Variants in RBM6 observed in about 807,000 individuals in gnomAD.
The protein encoded by RBM6 is RNA-binding protein 6.
RBM6 carries 23 observed loss-of-function variants against 140.4 expected under a neutral mutation model. The ratio of observed to expected loss-of-function variants is 0.16; its 90% CI spans 0.12 to 0.23. The LOEUF is 0.23. RBM6 is among the 10% of genes least tolerant of loss of function. The pLI is 1.00. For synonymous variants in RBM6, 439 were observed against 475.6 expected, an observed-to-expected ratio of 0.92 and a Z score of 1.00; for missense variants, 1,139 against 1,386.7, an observed-to-expected ratio of 0.82 and a Z score of 2.84.
intron 3 of RBM6, among the ~76,000 whole-genome samples, 177 bp from the exon 4 acceptor site, chr3:49,971,881 AT>A (rs2084809709): frequency 6.6e-6 from 1 of 152,160 alleles, no homozygotes; most frequent in South Asian, 2.1e-4. Flanking sequence ...GCACATTTAC[AT>A]TCTTATGATT....
rs966121078 is a variant in RBM6, at chr3:49,957,346, A to G, written c.-66-5230A>G. On this transcript the variant is annotated intron_variant, in intron 1 of 20. Transcript: ENST00000266022. Reference sequence around the variant, plus strand: ...TTTTTGAAGTAGAGAGAGTCTCACTATATGGCCAATGGTGGTTTCAAACCC... The same window carrying G: ...TTTTTGAAGTAGAGAGAGTCTCACTGTATGGCCAATGGTGGTTTCAAACCC... Among the ~76,000 whole-genome samples the G allele has an allele frequency of 3.4e-5, 5 of 148,592 alleles. No individual in the cohort carries two copies. The Admixed American group carries it at 3.4e-4, about 10-fold the overall frequency.
chr3:50,067,183 T>C (rs1284831690), intron 17 of RBM6, among the ~76,000 whole-genome samples: 1 of 94,528 alleles, frequency 1.1e-5, no homozygotes, highest in East Asian at 3.7e-4. Flanking sequence ...CAAGACTCTA[T>C]CTCAAAAAAA....
intron 5 of RBM6, among the ~76,000 whole-genome samples, chr3:49,989,448 G>A (rs536710689): frequency 2.0e-5 from 3 of 152,186 alleles, no homozygotes; most frequent in African/African-American, 7.2e-5. Context: ...GGTGGCACAC[G>A]CCTGTAATCC....
intron 6 of RBM6, among the ~76,000 whole-genome samples, chr3:50,030,424 CACAA>C (rs2088087233): frequency 2.6e-5 from 4 of 151,660 alleles, no homozygotes; most frequent in Admixed American, 2.6e-4. Flanking sequence ...TCTAGAAATA[CACAA>C]ACAGAGCTCC....
intron 6 of RBM6, among the ~76,000 whole-genome samples, chr3:50,011,555 G>A (rs1455715601): frequency 1.3e-5 from 2 of 152,110 alleles, no homozygotes; most frequent in Non-Finnish European, 2.9e-5. Flanking sequence ...AAAGCTCAAA[G>A]CCATGGGAAA....
Position 50,058,556 on chromosome 3 carries a change from C to G in RBM6, c.2124C>G (p.Ser708=). The G allele has an allele frequency of 6.2e-7, 1 of 1,605,970 alleles. No individual in the cohort carries two copies. Among genetic ancestry groups the G allele is most frequent in the Non-Finnish European group, 8.5e-7 (1 of 1,172,866 alleles). Residue 708 remains serine, a synonymous_variant, in exon 10 of 21, where the codon TCC becomes TCG. Transcript: ENST00000266022. ...CCTATGGCTTTATTGACCTCGACTC[C>G]CATGCGGTGAGTTTCCTCCACCTTG... ...GHTYGFIDLD[S]HAEALRVVKI...
intron 6 of RBM6, among the ~76,000 whole-genome samples, chr3:50,044,121 A>G (rs939802311): frequency 7.7e-6 from 1 of 130,298 alleles, no homozygotes. Flanking sequence ...CAGGCAGTCC[A>G]CCCGCCTCGG....
chr3:49,941,022 T>A (rs1342128259), intron 1 of RBM6: 1 of 151,746 alleles, frequency 6.6e-6, no homozygotes, highest in East Asian at 1.9e-4. Flanking sequence ...GTGAAGGAGT[T>A]CAGTAGACAT....
chr3:49,997,453 T>C (rs2086138485), intron 5 of RBM6, among the ~76,000 whole-genome samples: 1 of 152,254 alleles, frequency 6.6e-6, no homozygotes, highest in Admixed American at 6.5e-5. Flanking sequence ...TGTGTGCTCC[T>C]CTGGGCCACA....
chr3:50,070,746 G>A (rs560074927), intron 19 of RBM6, among the ~76,000 whole-genome samples, 194 bp downstream of exon 19: 1 of 152,308 alleles, frequency 6.6e-6, no homozygotes, highest in South Asian at 2.1e-4. Context: ...ATGGAAGGTT[G>A]GCTGGCAGCT....
In RBM6 at chr3:49,968,726, G is replaced by T. The variant is rs761006657; in HGVS notation, c.1301G>T (p.Arg434Leu). The change falls in exon 3 of 21, where the codon CGA becomes CTA. Residue 434 changes from arginine to leucine, a missense_variant. Coordinates refer to ENST00000266022, the MANE Select transcript of RBM6 (RefSeq NM_005777.3). ...TCTTTTCCAGAGGGCAAAACTGCCC[G>T]AGATGCCCAACGGGACCTTCAGGTA... ...SKSFPEGKTARDAQRDLQDQD... is the reference protein window; with the variant it reads ...SKSFPEGKTALDAQRDLQDQD... 6.3e-7 allele frequency: 1 copy of T among 1,596,198 alleles called. No homozygotes were observed. Among genetic ancestry groups the T allele is most frequent in the African/African-American group, 1.4e-5 (1 of 73,692 alleles).
In RBM6 at chr3:50,049,273, T is replaced by TA. The variant is rs1415563626; in HGVS notation, c.1632+956dup. Among the ~76,000 whole-genome samples, 3 of 150,158 alleles carry TA rather than the reference T, an allele frequency of 2.0e-5. No individual in the cohort carries two copies. The East Asian group carries it at 5.9e-4, about 30-fold the overall frequency. On this transcript the variant is annotated intron_variant, in intron 7 of 20. Coordinates refer to ENST00000266022, the MANE Select transcript of RBM6 (RefSeq NM_005777.3). ...ACAGTTGTGTGCCACCATGCTCAGC[T>TA]AATTTTTTTGTAGTTTTTAGTAGAG... is the stretch of plus-strand genomic sequence containing the variant.
chr3:49,946,376 G>A (rs1387865681), intron 1 of RBM6, among the ~76,000 whole-genome samples: 1 of 151,886 alleles, frequency 6.6e-6, no homozygotes, highest in African/African-American at 2.4e-5. Context: ...GAGTAACTGG[G>A]ATTACAGGCA....
At chr3:50,034,486 G>C (rs2088390241) in intron 6 of RBM6, among the ~76,000 whole-genome samples, 1 of 152,114 alleles carries the variant, frequency 6.6e-6, no homozygotes, top group Non-Finnish European at 1.5e-5. Context: ...TGGTGGCCAG[G>C]TGCGGTGGCT....
intron 5 of RBM6, among the ~76,000 whole-genome samples, chr3:49,982,084 C>T (rs756664175): frequency 9.9e-5 from 15 of 152,090 alleles, no homozygotes; most frequent in Non-Finnish European, 2.1e-4. Flanking sequence ...TTGCTTTAGC[C>T]CGTCAGTGTT....
chr3:49,977,121 A>G (rs1440241802), intron 5 of RBM6, among the ~76,000 whole-genome samples: 1 of 152,176 alleles, frequency 6.6e-6, no homozygotes, highest in Non-Finnish European at 1.5e-5. Context: ...AGAAATTCCC[A>G]GCTTCTTCTT....
chr3:50,013,340 C>G (rs2086952392), intron 6 of RBM6, among the ~76,000 whole-genome samples: 1 of 151,864 alleles, frequency 6.6e-6, no homozygotes, highest in South Asian at 2.1e-4. Flanking sequence ...AGCTTCTACT[C>G]CTGGGCACTG....
At chr3:49,958,757 A>G (rs1392700034) in intron 1 of RBM6, among the ~76,000 whole-genome samples, 1 of 151,714 alleles carries the variant, frequency 6.6e-6, no homozygotes, top group Non-Finnish European at 1.5e-5. Context: ...TTTCAAAAAA[A>G]AAAAAAATTC....
chr3:50,052,401 G>A (rs930111319), intron 7 of RBM6, among the ~76,000 whole-genome samples: 1 of 152,128 alleles, frequency 6.6e-6, no homozygotes, highest in Non-Finnish European at 1.5e-5. Context: ...ACTAAGGTTA[G>A]GATCCTAACT....
Sources: gnomAD v4.1 joint callset for allele counts (sites outside exome capture counted in the v4.1 genomes callset) on GRCh38, gnomAD v4.1.1 for gene constraint, MANE v1.5 for transcripts, NCBI Gene and HGNC (gene_info 2026-07-23, HGNC 2026-07-21) for gene names.